Variants in ATXN1 observed in about 807,000 individuals in gnomAD.
The protein encoded by ATXN1 is ataxin-1.
A neutral mutation model predicts 56.4 loss-of-function variants in ATXN1; 8 were observed. The ratio of observed to expected loss-of-function variants is 0.14; its 90% CI spans 0.08 to 0.26. ATXN1 has a LOEUF of 0.26. ATXN1 is among the 10% of genes least tolerant of loss of function. The pLI is 1.00. For synonymous variants in ATXN1, 514 were observed against 494.6 expected (o/e 1.04, Z -0.52); for missense variants, 987 against 1,106.5 (o/e 0.89, Z 1.53).
At chr6:16,320,747 C>A (rs972485901) in intron 7 of ATXN1, among the ~76,000 whole-genome samples, 1 of 152,258 alleles carries the variant, frequency 6.6e-6, no homozygotes, top group East Asian at 1.9e-4. Flanking sequence ...AGCACCAATG[C>A]ACCCCTCAAA....
intron 6 of ATXN1, among the ~76,000 whole-genome samples, chr6:16,442,989 G>C (rs1477984322): frequency 6.6e-6 from 1 of 151,788 alleles, no homozygotes; most frequent in Non-Finnish European, 1.5e-5. Flanking sequence ...TCCAGCCCGG[G>C]TGACAGAGCA....
At chr6:16,491,286 T>TATTACTA (rs1760657991) in intron 5 of ATXN1, among the ~76,000 whole-genome samples, 1 of 122,630 alleles carries the variant, frequency 8.2e-6, no homozygotes, top group Non-Finnish European at 1.7e-5. Flanking sequence ...TATTTTTTTT[T>TATTACTA]TTTTTTTTTT....
chr6:16,359,288 C>G (rs1268053738), intron 6 of ATXN1, among the ~76,000 whole-genome samples: 1 of 152,152 alleles, frequency 6.6e-6, no homozygotes, highest in African/African-American at 2.4e-5. Flanking sequence ...AGTGGGGACT[C>G]GTGGTGCCTC....
At chr6:16,341,369 G>C (rs1447330175) in intron 6 of ATXN1, among the ~76,000 whole-genome samples, 3 of 151,756 alleles carry the variant, frequency 2.0e-5, no homozygotes, top group Non-Finnish European at 2.9e-5. Context: ...GACTCACCCA[G>C]GGAGCTTTTA....
intron 2 of ATXN1, among the ~76,000 whole-genome samples, chr6:16,726,481 T>C (rs1759853054): frequency 6.6e-6 from 1 of 152,056 alleles, no homozygotes; most frequent in African/African-American, 2.4e-5. Context: ...ACTAAAACAC[T>C]AAGGTAGAAC....
intron 4 of ATXN1, among the ~76,000 whole-genome samples, chr6:16,545,124 G>A (rs1761790976): frequency 6.6e-6 from 1 of 152,132 alleles, no homozygotes; most frequent in Non-Finnish European, 1.5e-5. Flanking sequence ...AAACATAGCT[G>A]ATGAGGCCAC....
rs1299861701 is a variant in ATXN1 at position 16,304,212 on chromosome 6, A to G, written c.*2117T>C. On this transcript the variant is annotated 3_prime_UTR_variant, in exon 8 of 8. Transcript: ENST00000436367. The stretch of plus-strand genomic sequence containing the variant: ...TGAAACGAAGAAAGTACTATTTTCA[A>G]TGGGGTAAAAGAAAAGTCAGGTATT... The G allele has an allele frequency of 6.6e-6, 1 of 152,596 alleles. No individual in the cohort carries two copies. Among genetic ancestry groups the G allele is most frequent in the African/African-American group, 2.4e-5 (1 of 41,432 alleles). The allele number at this position is 152,596 out of a possible 1,614,324, so 9.5% of individuals were successfully genotyped here. A position where few individuals can be genotyped will look rare whatever the true frequency, so the allele number is the denominator to read the frequency against.
chr6:16,700,192 T>C (rs1759252436), intron 2 of ATXN1, among the ~76,000 whole-genome samples: 1 of 152,186 alleles, frequency 6.6e-6, no homozygotes, highest in African/African-American at 2.4e-5. Context: ...GGACCGGCCC[T>C]TCCTTGTTCT....
At chr6:16,356,209 C>G (rs1473096798) in intron 6 of ATXN1, among the ~76,000 whole-genome samples, 1 of 152,188 alleles carries the variant, frequency 6.6e-6, no homozygotes, top group Non-Finnish European at 1.5e-5. Flanking sequence ...TTCCTGCCCA[C>G]GGCACTCTTT....
At chr6:16,733,931 T>A (rs1172173729) in intron 2 of ATXN1, among the ~76,000 whole-genome samples, 1 of 152,026 alleles carries the variant, frequency 6.6e-6, no homozygotes, top group Non-Finnish European at 1.5e-5. Context: ...GTGGATTTCT[T>A]GTGGTCAGGA....
At position 16,410,888 on chromosome 6, in the gene ATXN1, G is replaced by A. The variant is rs1758783293; in HGVS notation, c.-161+75084C>T. Among the ~76,000 whole-genome samples the A allele has an allele frequency of 6.6e-6, 1 of 152,166 alleles. No individual in the cohort carries two copies. Among genetic ancestry groups the A allele is most frequent in the Non-Finnish European group, 1.5e-5 (1 of 68,028 alleles). On this transcript the variant is annotated intron_variant, in intron 6 of 7. Coordinates refer to ENST00000436367, the MANE Select transcript of ATXN1 (RefSeq NM_001128164.2). The surrounding 1 kb of genome is among the most constrained non-coding windows in gnomAD (Gnocchi z 4.6). Reference sequence around the variant, plus strand: ...GCCTGTAATCCCAGCTCTTTGGGAGGCCAATGCAGGCGGATCACTTGAGGC... The same window carrying A: ...GCCTGTAATCCCAGCTCTTTGGGAGACCAATGCAGGCGGATCACTTGAGGC...
intron 3 of ATXN1, among the ~76,000 whole-genome samples, chr6:16,618,784 T>G (rs564634765): frequency 1.4e-5 from 2 of 146,328 alleles, no homozygotes; most frequent in South Asian, 4.3e-4. Flanking sequence ...TTTTTGAAAA[T>G]TATTAATATG....
chr6:16,327,591 T>A lies in ATXN1; in HGVS notation c.720A>T (p.Pro240=). The change falls in exon 7 of 8, where the codon CCA becomes CCT. Residue 240 remains proline, a synonymous_variant. Transcript: ENST00000436367. The part of the protein sequence containing the change: ...APGLITPGSP[P]PAQQNQYVHI... ...GGACGTACTGGTTCTGCTGGGCTGG[T>A]GGGGGGGACCCCGGGGTGATGAGCC... 6.3e-7 allele frequency: 1 copy of A among 1,593,946 alleles called. No homozygotes were observed. Among genetic ancestry groups the A allele is most frequent in the Non-Finnish European group, 8.5e-7 (1 of 1,171,588 alleles).
chr6:16,451,381 C>T (rs1350364891), intron 6 of ATXN1, among the ~76,000 whole-genome samples: 2 of 152,358 alleles, frequency 1.3e-5, no homozygotes, highest in South Asian at 2.1e-4. Context: ...AGAAGAATCA[C>T]TTGAACCCGA....
chr6:16,505,459 G>T (rs2113678592), intron 5 of ATXN1, among the ~76,000 whole-genome samples: 1 of 152,276 alleles, frequency 6.6e-6, no homozygotes, highest in South Asian at 2.1e-4. Context: ...ATAAGGGAAA[G>T]AACGCATAAA....
chr6:16,655,865 G>A (rs559208688), intron 3 of ATXN1, among the ~76,000 whole-genome samples: 29 of 151,878 alleles, frequency 1.9e-4, no homozygotes, highest in African/African-American at 5.3e-4. Flanking sequence ...TGAGGCAGGC[G>A]GATCACCTGA....
At chr6:16,704,011 T>G (rs962729718) in intron 2 of ATXN1, among the ~76,000 whole-genome samples, 1 of 152,086 alleles carries the variant, frequency 6.6e-6, no homozygotes, top group African/African-American at 2.4e-5. Flanking sequence ...AAGAGCGAGA[T>G]TCCATCTCAA....
intron 2 of ATXN1, chr6:16,737,816 G>C (rs560940942): frequency 6.6e-6 from 1 of 152,150 alleles, no homozygotes; most frequent in East Asian, 1.9e-4. Context: ...GGAACTGTTT[G>C]GAACTGTTTT....
At chr6:16,555,997 T>C (rs1180753298) in intron 4 of ATXN1, among the ~76,000 whole-genome samples, 1 of 152,242 alleles carries the variant, frequency 6.6e-6, no homozygotes, top group Non-Finnish European at 1.5e-5. Context: ...CATTCTTTTT[T>C]CTTTAATGGC....
Sources: gnomAD v4.1 joint callset for allele counts (sites outside exome capture counted in the v4.1 genomes callset) on GRCh38, gnomAD v4.1.1 for gene constraint, Gnocchi (gnomAD v3.1) non-coding constraint, MANE v1.5 for transcripts, NCBI Gene and HGNC (gene_info 2026-07-23, HGNC 2026-07-21) for gene names.